Variants in SMOC2 observed in about 807,000 individuals in gnomAD.
SMOC2 encodes the protein SPARC-related modular calcium-binding protein 2.
In SMOC2, 39 loss-of-function variants were observed where a neutral mutation model predicts 61.4. The ratio of observed to expected loss-of-function variants is 0.64; its 90% CI spans 0.49 to 0.83. SMOC2 has a LOEUF of 0.83. SMOC2 is among the 40% of genes least tolerant of loss of function. The probability of loss-of-function intolerance (pLI) is 0.00; values close to 1 mark genes in which losing one functional copy is unlikely to be tolerated. For synonymous variants in SMOC2, 247 were observed against 239.9 expected (o/e 1.03, Z -0.27); for missense variants, 556 against 592.9 (o/e 0.94, Z 0.65).
chr6:168,611,263 G>A (rs1278385959), intron 9 of SMOC2, among the ~76,000 whole-genome samples: 1 of 128,716 alleles, frequency 7.8e-6, no homozygotes, highest in African/African-American at 3.0e-5. Context: ...TCCCATGTCC[G>A]GGACCCACCG....
At chr6:168,659,672 G>T (rs79805290) in intron 11 of SMOC2, among the ~76,000 whole-genome samples, 3 of 79,704 alleles carry the variant, frequency 3.8e-5, no homozygotes, top group Non-Finnish European at 5.5e-5. Context: ...TAGGCTGGGT[G>T]AGGGTGGAGG....
chr6:168,564,886 C>T (rs1784508912), intron 7 of SMOC2, among the ~76,000 whole-genome samples: 1 of 152,218 alleles, frequency 6.6e-6, no homozygotes. Flanking sequence ...TAACCTGGAC[C>T]TGGAGGGGTA....
At chr6:168,581,776 G>A (rs544526916) in intron 7 of SMOC2, among the ~76,000 whole-genome samples, 2 of 152,104 alleles carry the variant, frequency 1.3e-5, no homozygotes, top group East Asian at 1.9e-4. Context: ...CTGGGACCCC[G>A]CTGCCTCCCT....
At chr6:168,457,718 G>A (rs1388749157) in intron 1 of SMOC2, among the ~76,000 whole-genome samples, 1 of 152,034 alleles carries the variant, frequency 6.6e-6, no homozygotes, top group Non-Finnish European at 1.5e-5. Context: ...CTCTGGGGCT[G>A]GTCCTAATGG....
chr6:168,484,759 A>C (rs528076839), intron 1 of SMOC2, among the ~76,000 whole-genome samples: 6 of 152,400 alleles, frequency 3.9e-5, no homozygotes, highest in African/African-American at 1.4e-4. Context: ...AATATTATTC[A>C]TCCTTAAAAT....
At chr6:168,634,171 C>T (rs1786651245) in intron 9 of SMOC2, among the ~76,000 whole-genome samples, 1 of 152,176 alleles carries the variant, frequency 6.6e-6, no homozygotes, top group South Asian at 2.1e-4. Context: ...GACTAATACA[C>T]ACAGGCTTTG....
At chr6:168,650,875 C>T (rs907982619) in intron 10 of SMOC2, 92 bp downstream of exon 10, 1 of 1,197,510 alleles carries the variant, frequency 8.4e-7, no homozygotes, top group Non-Finnish European at 1.2e-6. Context: ...TGGCAACCTT[C>T]TCAGCTTATT....
chr6:168,518,565 GTA>G (rs1783212615), intron 2 of SMOC2, among the ~76,000 whole-genome samples: 1 of 150,132 alleles, frequency 6.7e-6, no homozygotes, highest in East Asian at 2.0e-4. Context: ...GTGAGTGCAT[GTA>G]TGTGACAATG....
rs1325698742 is a variant in SMOC2 at position 168,453,268 on chromosome 6, CA to C, written c.84+11815del. Among the ~76,000 whole-genome samples the C allele has an allele frequency of 6.6e-6, 1 of 152,144 alleles. No individual in the cohort carries two copies. Among genetic ancestry groups the C allele is most frequent in the Non-Finnish European group, 1.5e-5 (1 of 68,024 alleles). ...GTGCCCCAAGAGGGTGTGGGGCAGC[CA>C]GGGGGTGTGGTGGCCTCAAGGCTCC... On this transcript the variant is annotated intron_variant, in intron 1 of 12. Coordinates refer to ENST00000356284, the MANE Select transcript of SMOC2 (RefSeq NM_001166412.2). This position sits in a 1 kb window ranked among gnomAD's most constrained non-coding sequence, Gnocchi z 4.4.
intron 11 of SMOC2, 63 bp from the exon 12 acceptor site, chr6:168,664,011 T>A: frequency 7.1e-7 from 1 of 1,402,432 alleles, no homozygotes; most frequent in South Asian, 1.2e-5. Flanking sequence ...TGAAATTGTG[T>A]TGAACCTTTC....
At chr6:168,502,444 A>G (rs1276023659) in intron 1 of SMOC2, among the ~76,000 whole-genome samples, 1 of 152,230 alleles carries the variant, frequency 6.6e-6, no homozygotes, top group Non-Finnish European at 1.5e-5. Context: ...GCATCTGCCC[A>G]CAGCCACCTT....
At chr6:168,494,202 C>A (rs1388043199) in intron 1 of SMOC2, among the ~76,000 whole-genome samples, 1 of 152,292 alleles carries the variant, frequency 6.6e-6, no homozygotes, top group South Asian at 2.1e-4. Context: ...TTCTTCATGA[C>A]ATGGCAAAGC....
rs1481755189 is a variant in SMOC2 at position 168,453,206 on chromosome 6, C to T, written c.84+11752C>T. ...TGTGCTCAGGGTGGCCTGACAAATG[C>T]GGGCGGGGGTGGGGGAGGAACTCGG... On this transcript the variant is annotated intron_variant, in intron 1 of 12. Transcript: ENST00000356284. This position sits in a 1 kb window ranked among gnomAD's most constrained non-coding sequence, Gnocchi z 4.4. Among the ~76,000 whole-genome samples the T allele has an allele frequency of 2.7e-5, 2 of 73,934 alleles. No homozygotes were observed. The highest frequency in any genetic ancestry group is 1.6e-4 in the Admixed American group (1 of 6,174). The allele number at this position is 73,934 out of a possible 152,430, so 48.5% of individuals were successfully genotyped here.
intron 2 of SMOC2, among the ~76,000 whole-genome samples, chr6:168,521,563 A>T (rs1783330547): frequency 6.6e-6 from 1 of 152,236 alleles, no homozygotes; most frequent in Non-Finnish European, 1.5e-5. Flanking sequence ...TGCTTGCACA[A>T]TTAACTATCA....
chr6:168,546,251 GAAAAAAAAAAAAA>G (rs143673157), intron 5 of SMOC2, among the ~76,000 whole-genome samples: 8 of 66,456 alleles, frequency 1.2e-4, no homozygotes, highest in East Asian at 1.2e-3. Flanking sequence ...AAGCTTCAGT[GAAAAAAAAAAAAA>G]AAAAAAAAAA....
At chr6:168,571,008 T>G (rs1342931788) in intron 7 of SMOC2, among the ~76,000 whole-genome samples, 1 of 152,198 alleles carries the variant, frequency 6.6e-6, no homozygotes, top group Non-Finnish European at 1.5e-5. Flanking sequence ...TGCAGGATTA[T>G]CTGAAGGAGG....
rs1781504537 is a variant in SMOC2, at chr6:168,453,221, G to A, written c.84+11767G>A. 6.8e-6 allele frequency among the ~76,000 whole-genome samples: 1 copy of A among 147,612 alleles called. No individual in the cohort carries two copies. Among genetic ancestry groups the A allele is most frequent in the African/African-American group, 2.5e-5 (1 of 40,656 alleles). On this transcript the variant is annotated intron_variant, in intron 1 of 12. Transcript: ENST00000356284. The surrounding 1 kb of genome is among the most constrained non-coding windows in gnomAD (Gnocchi z 4.4). ...CTGACAAATGCGGGCGGGGGTGGGG[G>A]AGGAACTCGGGACCCAGGGCTGTGC... is the stretch of plus-strand genomic sequence containing the variant.
chr6:168,633,579 C>G (rs1488338504), intron 9 of SMOC2, among the ~76,000 whole-genome samples: 1 of 152,054 alleles, frequency 6.6e-6, no homozygotes, highest in East Asian at 1.9e-4. Flanking sequence ...AAAAAAAATA[C>G]AGAAGCTGTC....
intron 11 of SMOC2, among the ~76,000 whole-genome samples, chr6:168,655,756 T>G (rs1787306234): frequency 6.6e-6 from 1 of 152,042 alleles, no homozygotes; most frequent in Non-Finnish European, 1.5e-5. Context: ...CCTGCATGTG[T>G]GTGCTAAATC....
Sources: allele counts gnomAD v4.1 joint callset (sites outside exome capture counted in the v4.1 genomes callset), GRCh38; gene constraint gnomAD v4.1.1; non-coding constraint Gnocchi (gnomAD v3.1); transcripts MANE v1.5; gene names NCBI Gene and HGNC (gene_info 2026-07-23, HGNC 2026-07-21).